The following HMGXB4 variants were observed in gnomAD, a reference collection of about 807,000 sequenced individuals.
The protein encoded by HMGXB4 is HMG-box containing 4.
A neutral mutation model predicts 63.9 loss-of-function variants in HMGXB4; 27 were observed. The ratio of observed to expected loss-of-function variants is 0.42; its 90% CI spans 0.31 to 0.58. The LOEUF (loss-of-function observed/expected upper bound fraction) is 0.58. HMGXB4 is among the 20% of genes least tolerant of loss of function. The pLI, the probability that HMGXB4 is intolerant of heterozygous loss-of-function variation, is 0.13. For missense variants in HMGXB4, 624 were observed against 700.7 expected, an observed-to-expected ratio of 0.89 and a Z score of 1.24; for synonymous variants, 264 against 265.3, an observed-to-expected ratio of 0.99 and a Z score of 0.05.
chr22:35,273,230 C>T (rs141793237), intron 5 of HMGXB4, among the ~76,000 whole-genome samples: 1 of 152,284 alleles, frequency 6.6e-6, no homozygotes, highest in East Asian at 1.9e-4. Flanking sequence ...AGGCATTTTC[C>T]GAATGTTACC....
At chr22:35,247,059 T>G in the HMGXB4 span, among the ~76,000 whole-genome samples, 8 of 152,238 alleles carry the variant, frequency 5.3e-5, no homozygotes, top group Admixed American at 2.0e-4. Flanking sequence ...TCCTTCCCAT[T>G]GTGGGTCACA....
At chr22:35,270,678 T>C (rs1251068272) in intron 5 of HMGXB4, among the ~76,000 whole-genome samples, 1 of 152,218 alleles carries the variant, frequency 6.6e-6, no homozygotes, top group Non-Finnish European at 1.5e-5. Context: ...AATAGTAAGC[T>C]CTTCAAAGTT....
chr22:35,269,010 C>A (rs1292855291), intron 5 of HMGXB4, among the ~76,000 whole-genome samples: 5 of 152,154 alleles, frequency 3.3e-5, no homozygotes, highest in Admixed American at 3.3e-4. Flanking sequence ...TATTTTCTTC[C>A]TTATATTGGC....
intron 5 of HMGXB4, among the ~76,000 whole-genome samples, chr22:35,271,867 T>C (rs1388622864): frequency 1.3e-5 from 2 of 152,360 alleles, no homozygotes; most frequent in East Asian, 3.9e-4. Flanking sequence ...GCCAAGTGTG[T>C]GTGCTCTAGA....
chr22:35,262,172 A>G (rs1922902599), intron 1 of HMGXB4, 151 bp from the exon 2 acceptor site: 3 of 579,368 alleles, frequency 5.2e-6, no homozygotes, highest in Non-Finnish European at 9.3e-6. Context: ...ACCCCACTGT[A>G]TTTACAAAGA....
upstream of HMGXB4, among the ~76,000 whole-genome samples, chr22:35,253,760 G>A (rs73883572): frequency 4.2e-3 from 646 of 152,334 alleles, 6 homozygotes; most frequent in African/African-American, 0.014. Context: ...ACAGAGTTAA[G>A]AGGGAAGGAT....
chr22:35,284,163 A>C, intron 6 of HMGXB4, 120 bp downstream of exon 6: 1 of 699,486 alleles, frequency 1.4e-6, no homozygotes, highest in Non-Finnish European at 2.5e-6. Context: ...CAGTTCTGCA[A>C]ATCACTTTAG....
chr22:35,258,737 A>G (rs1233806525), intron 1 of HMGXB4: 1 of 152,292 alleles, frequency 6.6e-6, no homozygotes, highest in Non-Finnish European at 1.5e-5. Context: ...GAAATTGGCA[A>G]CCGGCGGATG....
Position 35,262,437 on chromosome 22 carries a change from C to CT in HMGXB4, c.31+17dup, listed in dbSNP as rs1172299976. 6 of 1,612,306 alleles carry CT rather than the reference C, an allele frequency of 3.7e-6. No homozygotes were observed. In the South Asian group the frequency reaches 6.6e-5, roughly 18 times the overall value. On this transcript the variant is annotated intron_variant, in intron 2 of 10. Transcript: ENST00000216106. The stretch of plus-strand genomic sequence containing the variant: ...AAGAAAGAAGGTATGACCCCATAAT[C>CT]TGAGAAGCATTCCAAAGGGGGTATC...
chr22:35,267,510 G>A (rs1031190806), intron 5 of HMGXB4, among the ~76,000 whole-genome samples: 2 of 152,144 alleles, frequency 1.3e-5, no homozygotes, highest in African/African-American at 4.8e-5. Context: ...TCAGGAAGCA[G>A]CAGAGTAAAA....
Position 35,293,831 on chromosome 22 carries a change from T to G in HMGXB4, c.*180T>G. On this transcript the variant is annotated 3_prime_UTR_variant, in exon 11 of 11. Transcript: ENST00000216106. ...TACATAGACTGTAACTACTTTGCTT[T>G]TAATAATTTTATGAAATGGCAAAGG... 2.9e-6 allele frequency: 1 copy of G among 348,952 alleles called. No individual in the cohort carries two copies. The highest frequency in any genetic ancestry group is 1.3e-4 in the South Asian group (1 of 7,478). 21.6% of individuals were successfully genotyped at this position (348,952 alleles called of 1,614,324 possible).
At chr22:35,282,589 A>T (rs1407617640) in intron 5 of HMGXB4, among the ~76,000 whole-genome samples, 1 of 152,226 alleles carries the variant, frequency 6.6e-6, no homozygotes, top group East Asian at 1.9e-4. Context: ...TGTTTGTTAG[A>T]TTAAGATTAT....
At chr22:35,270,219 C>G (rs1923523693) in intron 5 of HMGXB4, among the ~76,000 whole-genome samples, 1 of 152,266 alleles carries the variant, frequency 6.6e-6, no homozygotes, top group Middle Eastern at 3.4e-3. Flanking sequence ...GCTCACATTA[C>G]TGCCTGAGCT....
chr22:35,253,144 A>AAAAAGAAAAAAAG (rs1555886256), upstream of HMGXB4, among the ~76,000 whole-genome samples: 1 of 125,316 alleles, frequency 8.0e-6, no homozygotes, highest in African/African-American at 2.9e-5. Flanking sequence ...AAAAAAAAAA[A>AAAAAGAAAAAAAG]AAAAAAGAAA....
intron 5 of HMGXB4, among the ~76,000 whole-genome samples, chr22:35,282,410 C>T (rs1012419168): frequency 1.3e-5 from 2 of 152,100 alleles, no homozygotes; most frequent in African/African-American, 4.8e-5. Context: ...GATCTGCCCG[C>T]CTTGGCCTCC....
At position 35,265,207 on chromosome 22, in the gene HMGXB4, G is replaced by T. The variant is rs767728221; in HGVS notation, c.819G>T (p.Gln273His). 6.2e-7 allele frequency: 1 copy of T among 1,614,120 alleles called. No homozygotes were observed. Among genetic ancestry groups the T allele is most frequent in the Non-Finnish European group, 8.5e-7 (1 of 1,180,024 alleles). The change falls in exon 5 of 11, where the codon CAG becomes CAT. Residue 273 changes from glutamine to histidine, a missense_variant. Gln to His is a conservative substitution (Grantham distance 24, BLOSUM62 0). Around this residue, in one of 2 missense-constraint regions of HMGXB4, gnomAD observed 472 missense variants for 470.6 expected, o/e 1.00. Transcript: ENST00000216106. ...GPEGCGSDAS[Q>H]FAESHSANLD... ...AAGGCTGTGGGTCTGACGCCTCCCA[G>T]TTCGCAGAGTCCCACAGTGCTAACC...
At chr22:35,243,867 T>C in the HMGXB4 span, among the ~76,000 whole-genome samples, 21 of 152,318 alleles carry the variant, frequency 1.4e-4, no homozygotes, top group Non-Finnish European at 2.8e-4. Flanking sequence ...TTAATGCACC[T>C]GAAAAATATT....
At chr22:35,287,570 TACCTG>T (rs1199596345) in intron 8 of HMGXB4, 118 bp downstream of exon 8, 32 of 675,522 alleles carry the variant, frequency 4.7e-5, no homozygotes, top group Non-Finnish European at 7.9e-5. Context: ...CAGGTATTAT[TACCTG>T]GGAATGTTAC....
At chr22:35,290,350 A>C (rs1327644469) in intron 9 of HMGXB4, among the ~76,000 whole-genome samples, 5 of 152,198 alleles carry the variant, frequency 3.3e-5, no homozygotes, top group Non-Finnish European at 5.9e-5. Flanking sequence ...TACCCCTAAA[A>C]GAAACCCTGT....
Sources: gnomAD v4.1 joint callset for allele counts (sites outside exome capture counted in the v4.1 genomes callset) on GRCh38, gnomAD v4.1.1 for gene constraint, gnomAD v4.1.1 regional missense constraint, MANE v1.5 for transcripts, NCBI Gene and HGNC (gene_info 2026-07-23, HGNC 2026-07-21) for gene names.